The following ANOS1 variants were observed in gnomAD, a reference collection of about 807,000 sequenced individuals.
ANOS1 encodes anosmin 1.
A neutral mutation model predicts 59.0 loss-of-function variants in ANOS1; 6 were observed. The ratio of observed to expected loss-of-function variants is 0.10; its 90% CI spans 0.06 to 0.20. The LOEUF is 0.20. Ranked by LOEUF, ANOS1 falls within the 10% of genes least tolerant of loss-of-function variation. The probability of loss-of-function intolerance (pLI) is 1.00; values close to 1 mark genes in which losing one functional copy is unlikely to be tolerated. For missense variants in ANOS1, 433 were observed against 542.3 expected (o/e 0.80, Z 2.00); for synonymous variants, 217 against 223.4 (o/e 0.97, Z 0.25).
chrX:8,587,800 C>A lies in ANOS1; in HGVS notation c.720G>T (p.Val240=). 1 of 1,199,792 alleles carries A rather than the reference C, an allele frequency of 8.3e-7. No homozygotes were observed. The highest frequency in any genetic ancestry group is 1.1e-6 in the Non-Finnish European group (1 of 887,792). The change falls in exon 5 of 14, where the codon GTG becomes GTT. Residue 240 remains valine (V), a synonymous_variant. Transcript: ENST00000262648. ...SEDDATHWQT[V]AQTTDERVQL... is the part of the protein sequence containing the mutation. The stretch of plus-strand genomic sequence containing the variant: ...GTCTATATGAGGTTCTTACCTGGGC[C>A]ACTGTCTGCCAGTGAGTGGCGTCAT...
intron 1 of ANOS1, among the ~76,000 whole-genome samples, chrX:8,709,564 G>A (rs1037289694): frequency 1.8e-5 from 2 of 111,601 alleles, no homozygotes; most frequent in Non-Finnish European, 3.8e-5. Flanking sequence ...TGCAACCTTC[G>A]CCTCCAGGGA....
At position 8,700,352 on chromosome X, in the gene ANOS1, GGAGA is replaced by G. The variant is rs752508637; in HGVS notation, c.208-611_208-608del. Among the ~76,000 whole-genome samples the G allele has an allele frequency of 9.2e-5, 10 of 108,781 alleles. No individual in the cohort carries two copies. The East Asian group carries it at 2.3e-3, about 25-fold the overall frequency. 94.5% of individuals were successfully genotyped at this position (108,781 alleles called of 115,157 possible). On this transcript the variant is annotated intron_variant, in intron 1 of 13. Transcript: ENST00000262648. Reference sequence around the variant, plus strand: ...AAGCACATCTTACCATGGCAGAGCAGGAGAGAGAGAGAGAGAGCAAAAAGGGAAG... The same window carrying G: ...AAGCACATCTTACCATGGCAGAGCAGGAGAGAGAGAGAGCAAAAAGGGAAG...
At position 8,530,318 on chromosome X, in the gene ANOS1, C is replaced by A. The variant is rs1929476826; in HGVS notation, c.*2677G>T. 1 of 112,026 alleles carries A rather than the reference C, an allele frequency of 8.9e-6. No individual in the cohort carries two copies. Among genetic ancestry groups the A allele is most frequent in the Non-Finnish European group, 1.9e-5 (1 of 53,169 alleles). The allele number at this position is 112,026 out of a possible 1,213,427, so 9.2% of individuals were successfully genotyped here. A position where few individuals can be genotyped will look rare whatever the true frequency, so the allele number is the denominator to read the frequency against. Reference sequence around the variant, plus strand: ...ACTATTACTGGATATATTTTTCTCACATTAGAGAAATGAATCTAATTTCAA... The same window carrying A: ...ACTATTACTGGATATATTTTTCTCAAATTAGAGAAATGAATCTAATTTCAA... On this transcript the variant is annotated 3_prime_UTR_variant, in exon 14 of 14. Coordinates refer to ENST00000262648, the MANE Select transcript of ANOS1 (RefSeq NM_000216.4).
At chrX:8,562,380 A>T (rs907838186) in intron 8 of ANOS1, among the ~76,000 whole-genome samples, 4 of 112,088 alleles carry the variant, frequency 3.6e-5, no homozygotes, top group Non-Finnish European at 7.5e-5. Context: ...CGCCATGGGT[A>T]AAAAACAGAT....
At chrX:8,724,817 A>G (rs746543241) in intron 1 of ANOS1, among the ~76,000 whole-genome samples, 1 of 112,412 alleles carries the variant, frequency 8.9e-6, no homozygotes, top group East Asian at 2.8e-4. Context: ...CTAAAATGTC[A>G]TAACTATTCA....
At chrX:8,621,917 T>G (rs981131859) in intron 3 of ANOS1, among the ~76,000 whole-genome samples, 33 of 112,025 alleles carry the variant, frequency 2.9e-4, no homozygotes, top group African/African-American at 1.1e-3. Flanking sequence ...TCATGTTGAA[T>G]AAATGAATGA....
intron 2 of ANOS1, among the ~76,000 whole-genome samples, chrX:8,631,239 A>G (rs1330105887): frequency 8.9e-6 from 1 of 112,285 alleles, no homozygotes; most frequent in Non-Finnish European, 1.9e-5. Flanking sequence ...GGCATTTATA[A>G]GTTTCTTTTG....
At chrX:8,665,017 A>C (rs1464725914) in intron 2 of ANOS1, among the ~76,000 whole-genome samples, 1 of 111,439 alleles carries the variant, frequency 9.0e-6, no homozygotes, top group Non-Finnish European at 1.9e-5. Context: ...CGTCCCCAGG[A>C]CCCCTCTGAG....
chrX:8,618,358 A>C (rs1931211975), intron 3 of ANOS1, among the ~76,000 whole-genome samples: 1 of 112,270 alleles, frequency 8.9e-6, no homozygotes, highest in Non-Finnish European at 1.9e-5. Context: ...TGAAGCCAAT[A>C]AGGTTTCAGC....
intron 12 of ANOS1, 39 bp downstream of exon 12, chrX:8,535,552 T>G (rs1929574139): frequency 1.9e-6 from 2 of 1,062,296 alleles, no homozygotes. Flanking sequence ...GAGCAGTAGA[T>G]ACCAATGACA....
intron 9 of ANOS1, among the ~76,000 whole-genome samples, chrX:8,543,860 G>A (rs1249622987): frequency 1.8e-5 from 2 of 110,452 alleles, no homozygotes; most frequent in African/African-American, 6.6e-5. Context: ...GTAAAACTCT[G>A]TCTTAAAAAA....
chrX:8,560,890 T>C (rs976574323), intron 8 of ANOS1, among the ~76,000 whole-genome samples: 11 of 112,660 alleles, frequency 9.8e-5, no homozygotes, highest in African/African-American at 3.5e-4. Context: ...AATTCTGCCC[T>C]TTGATGCAAG....
At chrX:8,548,261 AT>A (rs758277213) in intron 9 of ANOS1, among the ~76,000 whole-genome samples, 72 of 112,091 alleles carry the variant, frequency 6.4e-4, no homozygotes, top group African/African-American at 2.3e-3. Context: ...GTGTAGGAAA[AT>A]TAAGCTCTAT....
At chrX:8,607,091 T>C (rs1038929085) in intron 3 of ANOS1, among the ~76,000 whole-genome samples, 10 of 112,256 alleles carry the variant, frequency 8.9e-5, no homozygotes, top group Non-Finnish European at 1.7e-4. Flanking sequence ...CACTCCGGCC[T>C]GGGCAACAGA....
At chrX:8,638,885 T>C (rs376666098) in intron 2 of ANOS1, among the ~76,000 whole-genome samples, 185 of 111,683 alleles carry the variant, frequency 1.7e-3, no homozygotes, top group African/African-American at 5.7e-3. Flanking sequence ...GAGCGACTGC[T>C]GGATATGTTT....
At chrX:8,549,019 C>G (rs1929814176) in intron 9 of ANOS1, among the ~76,000 whole-genome samples, 3 of 112,067 alleles carry the variant, frequency 2.7e-5, no homozygotes, top group Admixed American at 9.5e-5. Context: ...GCCCAGGGTC[C>G]AAGTCACTAA....
Position 8,623,638 on chromosome X carries a change from C to T in ANOS1, c.288G>A (p.Leu96=). ...CLEPCKESGD[L]RKHQCQSFCE... is the part of the protein sequence containing the mutation. ...AAAAGCTTTGGCACTGGTGTTTCCTCAGGTCCCCTGATTCCTTGCAGGGCT... is the reference window on the plus strand; with the variant it reads ...AAAAGCTTTGGCACTGGTGTTTCCTTAGGTCCCCTGATTCCTTGCAGGGCT... Residue 96 remains leucine, a synonymous_variant, in exon 3 of 14, where the codon CTG becomes CTA. Coordinates refer to ENST00000262648, the MANE Select transcript of ANOS1 (RefSeq NM_000216.4). The T allele has an allele frequency of 8.3e-7, 1 of 1,206,386 alleles. No homozygotes were observed. The highest frequency in any genetic ancestry group is 1.1e-6 in the Non-Finnish European group (1 of 890,764).
chrX:8,570,235 C>A (rs1352446143), intron 7 of ANOS1, among the ~76,000 whole-genome samples: 1 of 110,956 alleles, frequency 9.0e-6, no homozygotes, highest in Admixed American at 9.6e-5. Flanking sequence ...TTAAACTGTT[C>A]CTTTGATTTC....
At chrX:8,576,876 G>A (rs781377649) in intron 6 of ANOS1, among the ~76,000 whole-genome samples, 1 of 111,814 alleles carries the variant, frequency 8.9e-6, no homozygotes, top group Non-Finnish European at 1.9e-5. Context: ...AAAAGTGTCT[G>A]TTACAATAGG....
Sources: gnomAD v4.1 joint callset for allele counts (sites outside exome capture counted in the v4.1 genomes callset) on GRCh38, gnomAD v4.1.1 for gene constraint, MANE v1.5 for transcripts, NCBI Gene and HGNC (gene_info 2026-07-23, HGNC 2026-07-21) for gene names.